Variants in PCDHA3 observed in about 807,000 individuals in gnomAD.
The protein encoded by PCDHA3 is protocadherin alpha-3.
Under a neutral mutation model 62.2 loss-of-function variants are expected in PCDHA3, and 41 were observed. That is an observed-to-expected ratio of 0.66 (90% CI 0.51 to 0.86). PCDHA3 has a LOEUF of 0.86. Among genes scored for constraint, PCDHA3 ranks in the 40% least tolerant of loss-of-function variants. The pLI, the probability that PCDHA3 is intolerant of heterozygous loss-of-function variation, is 0.00. For missense variants in PCDHA3, 1,304 were observed against 1,241.2 expected (o/e 1.05, Z -0.76); for synonymous variants, 640 against 555.4 (o/e 1.15, Z -2.14).
chr5:140,902,010 G>A (rs187351122), intron 1 of PCDHA3, among the ~76,000 whole-genome samples: 56 of 152,092 alleles, frequency 3.7e-4, no homozygotes, highest in African/African-American at 1.3e-3. Context: ...TCACTGTTGG[G>A]ACATATAGAA....
In PCDHA3 at chr5:140,855,086, A is replaced by G. The variant is rs998686310; in HGVS notation, c.2394+51495A>G. ...CTTAAATACAGAAACCACCACTCTCAGCCTGTGCAGTAGCAATAATTAAGG... is the reference window on the plus strand; with the variant it reads ...CTTAAATACAGAAACCACCACTCTCGGCCTGTGCAGTAGCAATAATTAAGG... On this transcript the variant is annotated intron_variant, in intron 1 of 3. Transcript: ENST00000522353. Among the ~76,000 whole-genome samples the G allele has an allele frequency of 3.5e-4, 52 of 150,018 alleles. 3 individuals are homozygous for G. Among genetic ancestry groups the G allele is most frequent in the African/African-American group, 1.2e-3 (49 of 41,006 alleles).
At chr5:140,949,005 A>G (rs1554218775) in intron 1 of PCDHA3, among the ~76,000 whole-genome samples, 1 of 151,654 alleles carries the variant, frequency 6.6e-6, no homozygotes, top group African/African-American at 2.4e-5. Context: ...ACTAATTTTT[A>G]TATGTGATGT....
At position 140,809,049 on chromosome 5, in the gene PCDHA3, C is replaced by T. The variant is rs782208317; in HGVS notation, c.2394+5458C>T. On this transcript the variant is annotated intron_variant, in intron 1 of 3. Coordinates refer to ENST00000522353, the MANE Select transcript of PCDHA3 (RefSeq NM_018906.3). The stretch of plus-strand genomic sequence containing the variant: ...CCGGGGACTGGTGGCGCGCGCATCC[C>T]GTTCCGCGTGGGGCTGTACACTGGC... 8.1e-6 allele frequency: 13 copies of T among 1,613,752 alleles called. No individual in the cohort carries two copies. Among genetic ancestry groups the T allele is most frequent in the Middle Eastern group, 1.6e-4 (1 of 6,084 alleles).
chr5:140,836,220 C>A lies in PCDHA3; in HGVS notation c.2394+32629C>A, dbSNP rs2150255697. The stretch of plus-strand genomic sequence containing the variant: ...CGCGTGGCTTTCGTATGAGTTGCAA[C>A]CGGTGGCGGCCGGTGCGAGCATCCC... On this transcript the variant is annotated intron_variant, in intron 1 of 3. Coordinates refer to ENST00000522353, the MANE Select transcript of PCDHA3 (RefSeq NM_018906.3). The A allele has an allele frequency of 4.3e-6, 7 of 1,613,810 alleles. No homozygotes were observed. The Admixed American group carries it at 1.2e-4, about 27-fold the overall frequency.
At position 140,882,318 on chromosome 5, in the gene PCDHA3, G is replaced by A. The variant is rs534213144; in HGVS notation, c.2394+78727G>A. On this transcript the variant is annotated intron_variant, in intron 1 of 3. Transcript: ENST00000522353. ...CCAAGACCGCGGCAACTACTGCTCT[G>A]GCTTCTGATCCTCGCAGCCTGGGAG... 5 of 1,614,128 alleles carry A rather than the reference G, an allele frequency of 3.1e-6. No individual in the cohort carries two copies. In the African/African-American group the frequency reaches 6.7e-5, roughly 22 times the overall value.
chr5:140,971,040 A>G (rs1554232989), intron 1 of PCDHA3, among the ~76,000 whole-genome samples: 2 of 152,194 alleles, frequency 1.3e-5, no homozygotes, highest in Non-Finnish European at 2.9e-5. Flanking sequence ...AAGCACGTAA[A>G]AGGGTTTAGC....
intron 1 of PCDHA3, among the ~76,000 whole-genome samples, chr5:140,953,053 T>G (rs1475683860): frequency 2.0e-5 from 3 of 152,142 alleles, no homozygotes; most frequent in African/African-American, 7.2e-5. Flanking sequence ...TCCAATCACC[T>G]CTCACAGGCC....
chr5:140,850,244 G>GTCGGT, intron 1 of PCDHA3: 1 of 1,593,676 alleles, frequency 6.3e-7, no homozygotes, highest in South Asian at 1.1e-5. Context: ...TGGTGCTGCG[G>GTCGGT]TCGGTGGGCG....
chr5:140,804,903 T>C, intron 1 of PCDHA3: 1 of 817,306 alleles, frequency 1.2e-6, no homozygotes, highest in Non-Finnish European at 1.8e-6. Flanking sequence ...CTCACTTCCA[T>C]TTTCTTTATT....
chr5:140,858,279 G>C, intron 1 of PCDHA3: 1 of 1,597,396 alleles, frequency 6.3e-7, no homozygotes, highest in Non-Finnish European at 8.6e-7. Context: ...AGCGCGGTGG[G>C]GAGCTGGTCT....
chr5:140,886,844 A>G (rs11748231), intron 1 of PCDHA3, among the ~76,000 whole-genome samples: 22,325 of 150,652 alleles, frequency 0.15, 1,711 homozygotes, highest in Middle Eastern at 0.2. Context: ...AAAAAAAAAA[A>G]AAAGAAAGGT....
intron 1 of PCDHA3, chr5:140,926,762 C>T: frequency 7.5e-7 from 1 of 1,326,672 alleles, no homozygotes; most frequent in Non-Finnish European, 9.8e-7. Context: ...CGCTGAGTAT[C>T]CAGCCCGCAG....
At chr5:141,003,158 A>G (rs902811266) in intron 3 of PCDHA3, among the ~76,000 whole-genome samples, 4 of 152,222 alleles carry the variant, frequency 2.6e-5, no homozygotes, top group Non-Finnish European at 5.9e-5. Context: ...GACCTGATCA[A>G]TCCTAGTCCC....
rs113198272 is a variant in PCDHA3 at position 140,805,411 on chromosome 5, T to G, written c.2394+1820T>G. On this transcript the variant is annotated intron_variant, in intron 1 of 3. Transcript: ENST00000522353. Reference sequence around the variant, plus strand: ...GTTTCTGTTTGATTCAGAAATTTGGTGGGTTTTTTGTTGTTGTTTTGGTTT... The same window carrying G: ...GTTTCTGTTTGATTCAGAAATTTGGGGGGTTTTTTGTTGTTGTTTTGGTTT... 6.5e-4 allele frequency: 698 copies of G among 1,074,172 alleles called. 1 individual carries two copies. In the African/African-American group the frequency reaches 0.011, roughly 17 times the overall value. The allele number at this position is 1,074,172 out of a possible 1,614,324, so 66.5% of individuals were successfully genotyped here.
At chr5:140,850,731 G>A (rs1366939358) in intron 1 of PCDHA3, 3 of 1,597,906 alleles carry the variant, frequency 1.9e-6, no homozygotes, top group Non-Finnish European at 2.6e-6. Flanking sequence ...TAGCGCGGTG[G>A]GGAGTTGGTC....
rs781892888 is a variant in PCDHA3, at chr5:140,967,565, C to T, written c.2395-11384C>T. Reference sequence around the variant, plus strand: ...CCAGTCCACTTATCGCGTCCAGCTACGGGAGGACTCACCCCCAGGCACATT... The same window carrying T: ...CCAGTCCACTTATCGCGTCCAGCTATGGGAGGACTCACCCCCAGGCACATT... On this transcript the variant is annotated intron_variant, in intron 1 of 3. Transcript: ENST00000522353. The T allele has an allele frequency of 3.1e-6, 5 of 1,614,080 alleles. No individual in the cohort carries two copies. The highest frequency in any genetic ancestry group is 2.7e-5 in the African/African-American group (2 of 75,044).
chr5:140,826,765 G>C (rs186327192), intron 1 of PCDHA3, among the ~76,000 whole-genome samples: 115 of 152,292 alleles, frequency 7.6e-4, no homozygotes, highest in Middle Eastern at 3.4e-3. Context: ...TCATATTGGA[G>C]AGTAATTGAA....
chr5:140,849,508 T>C, intron 1 of PCDHA3: 1 of 1,596,440 alleles, frequency 6.3e-7, no homozygotes, highest in South Asian at 1.1e-5. Context: ...ACACTTCTTG[T>C]GGAAGTTGTG....
At chr5:140,976,232 G>C (rs2096707189) in intron 1 of PCDHA3, among the ~76,000 whole-genome samples, 1 of 152,098 alleles carries the variant, frequency 6.6e-6, no homozygotes, top group Non-Finnish European at 1.5e-5. Flanking sequence ...AAAAATATAT[G>C]TCATTTCATG....
Sources: gnomAD v4.1 joint callset for allele counts (sites outside exome capture counted in the v4.1 genomes callset) on GRCh38, gnomAD v4.1.1 for gene constraint, MANE v1.5 for transcripts, NCBI Gene and HGNC (gene_info 2026-07-23, HGNC 2026-07-21) for gene names.